The following PRPF6 variants were observed in gnomAD, a reference collection of about 807,000 sequenced individuals.
The protein encoded by PRPF6 is pre-mRNA-processing factor 6.
Under a neutral mutation model 118.3 loss-of-function variants are expected in PRPF6, and 42 were observed. That is an observed-to-expected ratio of 0.35 (90% CI 0.28 to 0.46). The LOEUF (loss-of-function observed/expected upper bound fraction) is 0.46. PRPF6 is among the 20% of genes least tolerant of loss of function. The probability of loss-of-function intolerance (pLI) is 1.00; values close to 1 mark genes in which losing one functional copy is unlikely to be tolerated. For synonymous variants in PRPF6, 481 were observed against 485.1 expected (o/e 0.99, Z 0.11); for missense variants, 662 against 1,255.7 (o/e 0.53, Z 7.15).
Position 63,995,428 on chromosome 20 carries a change from C to A in PRPF6, c.717C>A (p.Asp239Glu), listed in dbSNP as rs779228583. ...GLMTPGTGEL[D>E]MRKIGQARNT... Reference sequence around the variant, plus strand: ...TGACACCTGGCACAGGTGAGCTGGACATGAGGAAGATTGGCCAAGCGAGGA... The same window carrying A: ...TGACACCTGGCACAGGTGAGCTGGAAATGAGGAAGATTGGCCAAGCGAGGA... The change falls in exon 6 of 21, where the codon GAC (aspartate) becomes GAA (glutamate). Residue 239 changes from aspartate to glutamate, a missense_variant. Transcript: ENST00000266079. The A allele has an allele frequency of 6.2e-7, 1 of 1,614,124 alleles. No individual in the cohort carries two copies. Among genetic ancestry groups the A allele is most frequent in the Non-Finnish European group, 8.5e-7 (1 of 1,180,032 alleles).
In PRPF6 at chr20:64,022,661, C is replaced by T. The variant is rs1484279282; in HGVS notation, c.1648-96C>T. ...CTGTGGTACACCTTCTAGCAGATAT[C>T]ATCTTTCAGAATCGTATGAGCCTGG... On this transcript the variant is annotated intron_variant, in intron 12 of 20. Coordinates refer to ENST00000266079, the MANE Select transcript of PRPF6 (RefSeq NM_012469.4). 1.9e-6 allele frequency: 3 copies of T among 1,542,672 alleles called. No individual in the cohort carries two copies. The South Asian group carries it at 3.4e-5, about 17-fold the overall frequency.
intron 6 of PRPF6, among the ~76,000 whole-genome samples, chr20:63,998,142 T>C (rs1459738391): frequency 1.3e-5 from 2 of 152,122 alleles, no homozygotes; most frequent in Non-Finnish European, 2.9e-5. Context: ...TCACCCAGGC[T>C]GGAGGGCAGT....
At chr20:64,020,208 G>A (rs753930910) in intron 12 of PRPF6, among the ~76,000 whole-genome samples, 6 of 152,170 alleles carry the variant, frequency 3.9e-5, no homozygotes, top group Non-Finnish European at 8.8e-5. Context: ...TTGAGGTCAG[G>A]AGTTCGAGAC....
intron 3 of PRPF6, among the ~76,000 whole-genome samples, chr20:63,986,848 A>T (rs556113105): frequency 6.6e-6 from 1 of 151,762 alleles, no homozygotes; most frequent in Non-Finnish European, 1.5e-5. Context: ...TTGATGATAA[A>T]AACTCTCAAA....
rs765653532 is a variant in PRPF6, at chr20:63,981,323, C to T, written c.71+7C>T. The T allele has an allele frequency of 7.6e-6, 12 of 1,577,626 alleles. No homozygotes were observed. Among genetic ancestry groups the T allele is most frequent in the Middle Eastern group, 1.7e-4 (1 of 6,042 alleles). On this transcript the variant is annotated splice_region_variant and intron_variant, in intron 1 of 20. Coordinates refer to ENST00000266079, the MANE Select transcript of PRPF6 (RefSeq NM_012469.4). ...TGCCGGGGCTGGGCCGGGGGTGAGG[C>T]CTGGGGCGGCGCGCGAGGGGCGGGG...
intron 6 of PRPF6, 116 bp downstream of exon 6, chr20:63,995,598 T>A: frequency 8.6e-6 from 9 of 1,051,706 alleles, no homozygotes; most frequent in Non-Finnish European, 1.1e-5. Flanking sequence ...CTCCTCCTCC[T>A]CCTTCTTCTC....
In PRPF6 at chr20:64,032,839, A is replaced by G; in HGVS notation, c.2674-2A>G. ...GCCTGACGTGCCCTGTGGTCCCCCC[A>G]GGAGCAGCAGGAGGAGGTGAGGAAG... On this transcript the variant is annotated splice_acceptor_variant, in intron 20 of 20. Coordinates refer to ENST00000266079, the MANE Select transcript of PRPF6 (RefSeq NM_012469.4). LOFTEE classifies it high-confidence loss of function. The G allele has an allele frequency of 6.2e-7, 1 of 1,606,716 alleles. No homozygotes were observed.
intron 9 of PRPF6, among the ~76,000 whole-genome samples, chr20:64,002,645 CTT>C (rs1231191438): frequency 2.8e-4 from 28 of 98,270 alleles, no homozygotes; most frequent in Admixed American, 4.1e-4. Context: ...CTTTTCTTTT[CTT>C]TTTTTTTTTT....
rs868828142 is a variant in PRPF6 at position 64,029,609 on chromosome 20, C to T, written c.2546+118C>T. 4.7e-5 allele frequency: 42 copies of T among 892,340 alleles called. 1 individual carries two copies. Among genetic ancestry groups the T allele is most frequent in the South Asian group, 3.4e-4 (24 of 70,594 alleles). The allele number at this position is 892,340 out of a possible 1,614,324, so 55.3% of individuals were successfully genotyped here. On this transcript the variant is annotated intron_variant, in intron 19 of 20. Transcript: ENST00000266079. This position sits in a 1 kb window ranked among gnomAD's most constrained non-coding sequence, Gnocchi z 4.8. ...TGCCCGGCAGCAGGGTGGGCTTCCC[C>T]GATCCTCGGCTGCCGTCGCTCCTGC...
chr20:63,992,126 A>C (rs912614121), intron 3 of PRPF6, among the ~76,000 whole-genome samples: 1 of 152,100 alleles, frequency 6.6e-6, no homozygotes, highest in African/African-American at 2.4e-5. Context: ...TTTTGCGACA[A>C]GGTCTCGCTC....
Position 64,002,970 on chromosome 20 carries a change from C to G in PRPF6, c.1186+1731C>G, listed in dbSNP as rs938568895. Among the ~76,000 whole-genome samples the G allele has an allele frequency of 2.8e-3, 404 of 142,792 alleles. 3 individuals are homozygous for G. Among genetic ancestry groups the G allele is most frequent in the African/African-American group, 0.01 (386 of 38,262 alleles). The allele number at this position is 142,792 out of a possible 152,430, so 93.7% of individuals were successfully genotyped here. A position where few individuals can be genotyped will look rare whatever the true frequency, so the allele number is the denominator to read the frequency against. ...GATTTTTTTTTTTTTTTTGAGACAG[C>G]GTCTTGCTCTGTCACCCAGGCTGGA... is the stretch of plus-strand genomic sequence containing the variant. On this transcript the variant is annotated intron_variant, in intron 9 of 20. Transcript: ENST00000266079.
rs755831119 is a variant in PRPF6 at position 63,994,985 on chromosome 20, C to T, written c.508C>T (p.Arg170Cys). The T allele has an allele frequency of 5.6e-6, 9 of 1,614,062 alleles. No homozygotes were observed. The highest frequency in any genetic ancestry group is 2.2e-5 in the East Asian group (1 of 44,902). ...CGAGGTTGGCGATGCCAGAAATAAA[C>T]GTCAGCGGAACCCACGCTATGAGAA... ...IPEVGDARNKRQRNPRYEKLT... is the reference protein window; with the variant it reads ...IPEVGDARNKCQRNPRYEKLT... The change falls in exon 5 of 21, where the codon CGT becomes TGT. Residue 170 changes from arginine to cysteine, a missense_variant. Physicochemically the swap from Arg to Cys is radical, Grantham distance 180. Around this residue, in one of 10 missense-constraint regions of PRPF6, gnomAD observed 97 missense variants for 122.6 expected, o/e 0.79. Coordinates refer to ENST00000266079, the MANE Select transcript of PRPF6 (RefSeq NM_012469.4).
In PRPF6 at chr20:64,026,825, CAT is replaced by C. The variant is rs1343207574; in HGVS notation, c.2029-152_2029-151del. Among the ~76,000 whole-genome samples the C allele has an allele frequency of 1.3e-5, 2 of 152,108 alleles. No individual in the cohort carries two copies. The highest frequency in any genetic ancestry group is 2.9e-5 in the Non-Finnish European group (2 of 68,018). On this transcript the variant is annotated intron_variant, in intron 15 of 20. Transcript: ENST00000266079. The surrounding 1 kb of genome is among the most constrained non-coding windows in gnomAD (Gnocchi z 4.4). ...AAAAAAAAACAAAACAAAACAAAAACATATATTTATCCCCACCTTTTGTGTAC... is the reference window on the plus strand; with the variant it reads ...AAAAAAAAACAAAACAAAACAAAAACATATTTATCCCCACCTTTTGTGTAC...
rs1398056877 is a variant in PRPF6, at chr20:64,028,773, C to T, written c.2431+204C>T. On this transcript the variant is annotated intron_variant, in intron 18 of 20. Transcript: ENST00000266079. This position sits in a 1 kb window ranked among gnomAD's most constrained non-coding sequence, Gnocchi z 6.5. ...TTCAGTCAAAAGTTTCAGCTATACT[C>T]GGCCGTTAAGACAACTTAATGAAAT... Among the ~76,000 whole-genome samples, 1 of 152,182 alleles carries T rather than the reference C, an allele frequency of 6.6e-6. No homozygotes were observed. Among genetic ancestry groups the T allele is most frequent in the Non-Finnish European group, 1.5e-5 (1 of 68,040 alleles).
At position 64,026,184 on chromosome 20, in the gene PRPF6, C is replaced by T; in HGVS notation, c.2028+126C>T. Reference sequence around the variant, plus strand: ...GCAAACGAGACCACAGCACACTCATCTTTGTGATGTGACTAAAACATTCAT... The same window carrying T: ...GCAAACGAGACCACAGCACACTCATTTTTGTGATGTGACTAAAACATTCAT... On this transcript the variant is annotated intron_variant, in intron 15 of 20. Coordinates refer to ENST00000266079, the MANE Select transcript of PRPF6 (RefSeq NM_012469.4). This position sits in a 1 kb window ranked among gnomAD's most constrained non-coding sequence, Gnocchi z 4.4. 6.7e-7 allele frequency: 1 copy of T among 1,486,080 alleles called. No homozygotes were observed. The highest frequency in any genetic ancestry group is 9.1e-7 in the Non-Finnish European group (1 of 1,098,042). The allele number at this position is 1,486,080 out of a possible 1,614,324, so 92.1% of individuals were successfully genotyped here. A position where few individuals can be genotyped will look rare whatever the true frequency, so the allele number is the denominator to read the frequency against.
At chr20:64,032,812 C>T (rs2092558360) in intron 20 of PRPF6, 29 bp from the exon 21 acceptor site, 1 of 1,588,644 alleles carries the variant, frequency 6.3e-7, no homozygotes, top group African/African-American at 1.3e-5. Context: ...GGGAGGACCC[C>T]TGCCTGACGT....
rs147996986 is a variant in PRPF6 at position 63,995,554 on chromosome 20, CCTT to C, written c.771+84_771+86del. On this transcript the variant is annotated intron_variant, in intron 6 of 20. Transcript: ENST00000266079. ...TAATTTTGTTTTGTTTTCTTTTTCT[CCTT>C]CTTCTTCTTCTCCTTTTTCTTCTCC... The C allele has an allele frequency of 6.8e-4, 1,054 of 1,555,806 alleles. 5 individuals carry two copies. The African/African-American group carries it at 9.9e-3, about 15-fold the overall frequency.
At chr20:64,023,614 T>C (rs2059275606) in intron 13 of PRPF6, among the ~76,000 whole-genome samples, 1 of 152,192 alleles carries the variant, frequency 6.6e-6, no homozygotes, top group East Asian at 1.9e-4. Context: ...AGGGTGTCTT[T>C]CCATGTGTCC....
At chr20:64,015,890 G>A (rs1221126328) in intron 11 of PRPF6, among the ~76,000 whole-genome samples, 4 of 152,108 alleles carry the variant, frequency 2.6e-5, no homozygotes, top group Non-Finnish European at 5.9e-5. Flanking sequence ...ACTTTGGGAG[G>A]CTAAAGCAGG....
Sources: gnomAD v4.1 joint callset for allele counts (sites outside exome capture counted in the v4.1 genomes callset) on GRCh38, gnomAD v4.1.1 for gene constraint, gnomAD v4.1.1 regional missense constraint, Gnocchi (gnomAD v3.1) non-coding constraint, MANE v1.5 for transcripts, NCBI Gene and HGNC (gene_info 2026-07-23, HGNC 2026-07-21) for gene names.